SLC8A1: variants seen among roughly 807,000 people sequenced by gnomAD.
SLC8A1 encodes solute carrier family 8 member A1.
In SLC8A1, 18 loss-of-function variants were observed where a neutral mutation model predicts 68.3. The ratio of observed to expected loss-of-function variants is 0.26; its 90% CI spans 0.18 to 0.39. The LOEUF (loss-of-function observed/expected upper bound fraction) is 0.39. Ranked by LOEUF, SLC8A1 falls within the 10% of genes least tolerant of loss-of-function variation. SLC8A1 has a pLI of 1.00. For missense variants in SLC8A1, 985 were observed against 1,156.7 expected (o/e 0.85, Z 2.15); for synonymous variants, 475 against 415.5 (o/e 1.14, Z -1.74).
chr2:40,203,504 C>T (rs1040471305), intron 2 of SLC8A1, among the ~76,000 whole-genome samples: 43 of 151,884 alleles, frequency 2.8e-4, no homozygotes, highest in African/African-American at 9.7e-4. Context: ...TGAAAAAATG[C>T]CATTCTGTAA....
At chr2:40,154,195 G>A (rs2043974252) in intron 6 of SLC8A1, among the ~76,000 whole-genome samples, 1 of 151,736 alleles carries the variant, frequency 6.6e-6, no homozygotes, top group African/African-American at 2.4e-5. Flanking sequence ...GAATATAGGT[G>A]AAGAACAGAA....
intron 4 of SLC8A1, among the ~76,000 whole-genome samples, chr2:40,171,851 G>C (rs934591839): frequency 6.6e-6 from 1 of 152,202 alleles, no homozygotes; most frequent in East Asian, 1.9e-4. Flanking sequence ...CCAAACAAGG[G>C]CCTTTCAATG....
chr2:40,331,090 G>C (rs938609323), intron 2 of SLC8A1, among the ~76,000 whole-genome samples: 6 of 152,132 alleles, frequency 3.9e-5, no homozygotes, highest in African/African-American at 1.4e-4. Context: ...TTCAAATCTT[G>C]GCTCTAAGCC....
At chr2:40,349,012 T>G (rs1670235164) in intron 2 of SLC8A1, among the ~76,000 whole-genome samples, 2 of 152,192 alleles carry the variant, frequency 1.3e-5, no homozygotes, top group Admixed American at 6.5e-5. Flanking sequence ...ATGTGGCTCT[T>G]CTTCTCCCAC....
At chr2:40,487,717 A>G (rs976739073) in intron 1 of SLC8A1, among the ~76,000 whole-genome samples, 2 of 152,314 alleles carry the variant, frequency 1.3e-5, no homozygotes, top group South Asian at 4.1e-4. Context: ...TGTGACTCCA[A>G]GAGAGGGGAA....
chr2:40,099,058 A>G (rs550180388), exon 8 of SLC8A1: 4 of 152,034 alleles, frequency 2.6e-5, no homozygotes, highest in African/African-American at 7.2e-5. Flanking sequence ...TGAACCTTCA[A>G]TTCAGAGTGA....
chr2:40,219,730 AT>A (rs2058031293), intron 2 of SLC8A1, among the ~76,000 whole-genome samples: 1 of 152,310 alleles, frequency 6.6e-6, no homozygotes, highest in East Asian at 1.9e-4. Context: ...AGCAATAATG[AT>A]TTTTAAGTTT....
intron 2 of SLC8A1, among the ~76,000 whole-genome samples, chr2:40,428,105 T>G (rs1036019879): frequency 3.9e-5 from 6 of 152,172 alleles, no homozygotes; most frequent in African/African-American, 1.4e-4. Flanking sequence ...GTTTTAAATA[T>G]TCCTTTTCTG....
chr2:40,332,058 T>G (rs1368199851), intron 2 of SLC8A1, among the ~76,000 whole-genome samples: 1 of 152,078 alleles, frequency 6.6e-6, no homozygotes, highest in East Asian at 1.9e-4. Flanking sequence ...CAAGTGATCC[T>G]CCCACCTCAG....
exon 8 of SLC8A1, chr2:40,104,535 A>T (rs2034081446): frequency 6.6e-6 from 1 of 152,212 alleles, no homozygotes; most frequent in South Asian, 2.1e-4. Context: ...GATAGGTTTC[A>T]AAATGGCCCC....
chr2:40,106,062 T>C (rs557290891), exon 8 of SLC8A1: 2 of 152,370 alleles, frequency 1.3e-5, no homozygotes, highest in South Asian at 4.1e-4. Flanking sequence ...AATGCAATCT[T>C]TGCTTCAGAT....
At chr2:40,242,774 C>T (rs527256887) in intron 2 of SLC8A1, among the ~76,000 whole-genome samples, 3 of 152,262 alleles carry the variant, frequency 2.0e-5, no homozygotes, top group African/African-American at 7.2e-5. Context: ...TACAACCATG[C>T]CTTGTGTTTC....
chr2:40,248,056 A>G (rs1473072498), intron 2 of SLC8A1, among the ~76,000 whole-genome samples: 1 of 152,186 alleles, frequency 6.6e-6, no homozygotes, highest in Non-Finnish European at 1.5e-5. Flanking sequence ...TATTTAAGGT[A>G]TGTTCTCTAT....
intron 4 of SLC8A1, among the ~76,000 whole-genome samples, chr2:40,168,323 C>T (rs973631285): frequency 2.9e-4 from 44 of 151,896 alleles, no homozygotes; most frequent in African/African-American, 9.4e-4. Context: ...GATTGCCGCC[C>T]GGTGAAGGTG....
intron 7 of SLC8A1, among the ~76,000 whole-genome samples, chr2:40,125,734 C>T (rs998555203): frequency 2.6e-5 from 4 of 151,266 alleles, no homozygotes; most frequent in South Asian, 2.1e-4. Context: ...TTACTAGATA[C>T]GTAACTTATA....
intron 1 of SLC8A1, among the ~76,000 whole-genome samples, chr2:40,504,646 C>A (rs984666928): frequency 4.6e-5 from 7 of 151,928 alleles, no homozygotes; most frequent in African/African-American, 1.7e-4. Flanking sequence ...TTAAAAATGG[C>A]AGCAGATTTG....
At chr2:40,181,249 C>T (rs140092210) in intron 2 of SLC8A1, among the ~76,000 whole-genome samples, 2,182 of 152,288 alleles carry the variant, frequency 0.014, 18 homozygotes, top group East Asian at 0.028. Context: ...GGTGAGCCAC[C>T]ACACCTGGCC....
intron 2 of SLC8A1, among the ~76,000 whole-genome samples, chr2:40,347,347 C>A (rs903477326): frequency 6.6e-6 from 1 of 152,184 alleles, no homozygotes; most frequent in Non-Finnish European, 1.5e-5. Context: ...AAGGCAGAAT[C>A]CCTTTGAGAA....
chr2:40,487,173 T>C (rs1373378452), intron 1 of SLC8A1, among the ~76,000 whole-genome samples: 4 of 152,120 alleles, frequency 2.6e-5, no homozygotes, highest in Non-Finnish European at 5.9e-5. Context: ...ATGTGCCTGA[T>C]TACCAAGTCA....
Sources: allele counts gnomAD v4.1 joint callset (sites outside exome capture counted in the v4.1 genomes callset), GRCh38; gene constraint gnomAD v4.1.1; transcripts MANE v1.5; gene names NCBI Gene and HGNC (gene_info 2026-07-23, HGNC 2026-07-21).